GPBP1L1: variants seen among roughly 807,000 people sequenced by gnomAD.
The protein encoded by GPBP1L1 is vasculin-like protein 1.
GPBP1L1 carries 23 observed loss-of-function variants against 52.5 expected under a neutral mutation model. That is an observed-to-expected ratio of 0.44 (90% CI 0.32 to 0.62). The LOEUF (loss-of-function observed/expected upper bound fraction) is 0.62. Among genes scored for constraint, GPBP1L1 ranks in the 20% least tolerant of loss-of-function variants. GPBP1L1 has a pLI of 0.06. For synonymous variants in GPBP1L1, 243 were observed against 203.1 expected (o/e 1.20, Z -1.67); for missense variants, 596 against 579.3 (o/e 1.03, Z -0.30).
At position 45,643,620 on chromosome 1, in the gene GPBP1L1, C is replaced by T. The variant is rs184852673; in HGVS notation, c.478-1121G>A. The stretch of plus-strand genomic sequence containing the variant: ...TAATCGTATGACACTGCTGTCCTAG[C>T]CCAAACTTTACGATCTGGTAACAGG... On this transcript the variant is annotated intron_variant, in intron 6 of 12. Coordinates refer to ENST00000355105, the MANE Select transcript of GPBP1L1 (RefSeq NM_021639.5). Among the ~76,000 whole-genome samples the T allele has an allele frequency of 2.5e-3, 380 of 149,812 alleles. 2 individuals are homozygous for T. The highest frequency in any genetic ancestry group is 0.014 in the Admixed American group (217 of 15,048).
intron 8 of GPBP1L1, among the ~76,000 whole-genome samples, chr1:45,637,638 C>CTTTT (rs1406641559): frequency 2.6e-5 from 4 of 150,976 alleles, no homozygotes; most frequent in Admixed American, 6.7e-5. Flanking sequence ...ATTTTTTTAC[C>CTTTT]TTTTGATTTA....
chr1:45,669,215 G>C (rs1645045842), intron 2 of GPBP1L1, among the ~76,000 whole-genome samples: 1 of 152,168 alleles, frequency 6.6e-6, no homozygotes, highest in African/African-American at 2.4e-5. Context: ...GCCCAGACTA[G>C]AGTACATTGG....
Position 45,660,649 on chromosome 1 carries a change from C to A in GPBP1L1, c.-521G>T, listed in dbSNP as rs967977865. On this transcript the variant is annotated 5_prime_UTR_variant, in exon 3 of 13. Coordinates refer to ENST00000355105, the MANE Select transcript of GPBP1L1 (RefSeq NM_021639.5). The stretch of plus-strand genomic sequence containing the variant: ...AAATAATGTCATCAAGGTAATAGAT[C>A]AAAAATATTAAAGCCCTATAAAAGA... The A allele has an allele frequency of 4.4e-6, 3 of 681,722 alleles. No homozygotes were observed. Among genetic ancestry groups the A allele is most frequent in the Non-Finnish European group, 5.4e-6 (3 of 552,636 alleles). 42.2% of individuals were successfully genotyped at this position (681,722 alleles called of 1,614,324 possible).
At chr1:45,648,756 A>G (rs12045096) in intron 6 of GPBP1L1, among the ~76,000 whole-genome samples, 43,622 of 152,194 alleles carry the variant, frequency 0.29, 6,394 homozygotes, top group South Asian at 0.37. Context: ...GGCTGAGCAC[A>G]GTGGCTCACG....
intron 6 of GPBP1L1, among the ~76,000 whole-genome samples, chr1:45,648,938 G>A (rs529358022): frequency 1.9e-4 from 29 of 152,336 alleles, no homozygotes; most frequent in Non-Finnish European, 3.8e-4. Flanking sequence ...GCTGAGGCAG[G>A]AGAATGGCTT....
chr1:45,661,314 T>A (rs761490705), intron 2 of GPBP1L1, 89 bp from the exon 3 acceptor site: 1 of 152,300 alleles, frequency 6.6e-6, no homozygotes, highest in East Asian at 1.9e-4. Flanking sequence ...CACAGTTAAA[T>A]AATGAAATCA....
At chr1:45,654,400 C>T in intron 6 of GPBP1L1, 143 bp downstream of exon 6, 1 of 804,080 alleles carries the variant, frequency 1.2e-6, no homozygotes, top group Non-Finnish European at 1.8e-6. Context: ...ATCAACTTAA[C>T]TTCTTTCCTC....
intron 2 of GPBP1L1, among the ~76,000 whole-genome samples, chr1:45,666,169 C>T (rs1197994832): frequency 6.6e-6 from 1 of 151,644 alleles, no homozygotes; most frequent in Admixed American, 6.6e-5. Flanking sequence ...GTCACCCAGG[C>T]TGGAGTGCAG....
intron 2 of GPBP1L1, among the ~76,000 whole-genome samples, chr1:45,676,437 C>T (rs951978965): frequency 2.0e-5 from 3 of 151,572 alleles, no homozygotes; most frequent in Non-Finnish European, 2.9e-5. Context: ...CCCATCTCTA[C>T]AAAAAAACAC....
At chr1:45,651,739 C>T (rs932682227) in intron 6 of GPBP1L1, 18 of 380,550 alleles carry the variant, frequency 4.7e-5, no homozygotes, top group Admixed American at 1.6e-4. Flanking sequence ...TCTTAAATAG[C>T]GGATTCACCA....
intron 2 of GPBP1L1, among the ~76,000 whole-genome samples, chr1:45,665,743 TAAAAAAAAAAAAAAA>T (rs949281797): frequency 5.5e-5 from 6 of 109,710 alleles, no homozygotes; most frequent in Admixed American, 1.1e-4. Context: ...GACGCCGTCT[TAAAAAAAAAAAAAAA>T]AAAAAAAAAG....
At chr1:45,686,719 A>G (rs1466987416), upstream of GPBP1L1, 3 of 152,326 alleles carry the variant, frequency 2.0e-5, no homozygotes, top group African/African-American at 7.2e-5. Context: ...CGGCCTCCAG[A>G]ACGGCGGTTA....
At chr1:45,671,035 C>A (rs1462789793) in intron 2 of GPBP1L1, among the ~76,000 whole-genome samples, 1 of 151,834 alleles carries the variant, frequency 6.6e-6, no homozygotes, top group Non-Finnish European at 1.5e-5. Context: ...CTCAAGTGAT[C>A]CGCCCGCCTC....
chr1:45,673,374 G>T (rs1341706806), intron 2 of GPBP1L1, among the ~76,000 whole-genome samples: 2 of 152,198 alleles, frequency 1.3e-5, no homozygotes, highest in Admixed American at 1.3e-4. Context: ...AGATACAGCA[G>T]AGCTTCCCAG....
rs61208985 is a variant in GPBP1L1, at chr1:45,679,891, CAAAA to C, written c.-1098+5681_-1098+5684del. On this transcript the variant is annotated intron_variant, in intron 2 of 12. Coordinates refer to ENST00000355105, the MANE Select transcript of GPBP1L1 (RefSeq NM_021639.5). ...CAACAGTGAGAGACTCTTATCTATA[CAAAA>C]AAAAAAAAAAAAAAAAATTAGCCAG... is the stretch of plus-strand genomic sequence containing the variant. 4.0e-3 allele frequency among the ~76,000 whole-genome samples: 350 copies of C among 88,166 alleles called. 2 individuals are homozygous for C. The highest frequency in any genetic ancestry group is 0.014 in the African/African-American group (320 of 22,560). 57.8% of individuals were successfully genotyped at this position (88,166 alleles called of 152,430 possible).
chr1:45,687,118 G>A (rs571944730), upstream of GPBP1L1: 6 of 152,378 alleles, frequency 3.9e-5, no homozygotes, highest in Admixed American at 1.3e-4. Flanking sequence ...ACACGGCCTG[G>A]CCCCGGAGGC....
At chr1:45,678,129 T>C (rs1438895693) in intron 2 of GPBP1L1, among the ~76,000 whole-genome samples, 1 of 152,150 alleles carries the variant, frequency 6.6e-6, no homozygotes, top group Non-Finnish European at 1.5e-5. Context: ...GAAAGTAGAT[T>C]AGTGGTCGTC....
At chr1:45,684,258 C>CAAAAAAAAAAAAAAAAAAAAAAAAAAA (rs60624036) in intron 2 of GPBP1L1, among the ~76,000 whole-genome samples, 1 of 88,478 alleles carries the variant, frequency 1.1e-5, no homozygotes, top group Non-Finnish European at 2.1e-5. Context: ...AACTCCGTCT[C>CAAAAAAAAAAAAAAAAAAAAAAAAAAA]AAAAAAAAAA....
intron 6 of GPBP1L1, among the ~76,000 whole-genome samples, chr1:45,647,779 A>G (rs187053074): frequency 1.1e-3 from 174 of 151,728 alleles, no homozygotes; most frequent in Non-Finnish European, 2.2e-3. Flanking sequence ...ATCAGCAATT[A>G]CTCTGCCATT....
Sources: gnomAD v4.1 joint callset for allele counts (sites outside exome capture counted in the v4.1 genomes callset) on GRCh38, gnomAD v4.1.1 for gene constraint, MANE v1.5 for transcripts, NCBI Gene and HGNC (gene_info 2026-07-23, HGNC 2026-07-21) for gene names.